GRM3: variants seen among roughly 807,000 people sequenced by gnomAD.
The protein encoded by GRM3 is metabotropic glutamate receptor 3.
A neutral mutation model predicts 70.5 loss-of-function variants in GRM3; 26 were observed. That is an observed-to-expected ratio of 0.37 (90% confidence interval 0.27 to 0.51). The LOEUF (loss-of-function observed/expected upper bound fraction) is 0.51, where lower values mean the gene tolerates loss of function less well. Ranked by LOEUF, GRM3 falls within the 20% of genes least tolerant of loss-of-function variation. The probability of loss-of-function intolerance (pLI) is 0.93; values close to 1 mark genes in which losing one functional copy is unlikely to be tolerated. For synonymous variants in GRM3, 443 were observed against 434.9 expected, an observed-to-expected ratio of 1.02 and a Z score of -0.23; for missense variants, 859 against 1,123.8, an observed-to-expected ratio of 0.76 and a Z score of 3.37.
chr7:86,712,580 C>T (rs889448999), intron 1 of GRM3, among the ~76,000 whole-genome samples: 1 of 151,874 alleles, frequency 6.6e-6, no homozygotes, highest in African/African-American at 2.4e-5. Context: ...AACACTAGGT[C>T]GTATTTCTTT....
intron 3 of GRM3, among the ~76,000 whole-genome samples, chr7:86,805,248 T>G (rs986796195): frequency 5.3e-5 from 8 of 152,238 alleles, no homozygotes; most frequent in Non-Finnish European, 1.2e-4. Flanking sequence ...ATATATATTA[T>G]AGACCTTTTT....
intron 1 of GRM3, among the ~76,000 whole-genome samples, chr7:86,655,849 TGTGG>T (rs777488520): frequency 0.031 from 4,546 of 144,468 alleles, 209 homozygotes; most frequent in African/African-American, 0.1. Flanking sequence ...TGTGTGTGTG[TGTGG>T]GTGGGTGGGT....
intron 1 of GRM3, among the ~76,000 whole-genome samples, chr7:86,684,287 A>G (rs2115985605): frequency 6.6e-6 from 1 of 152,320 alleles, no homozygotes; most frequent in East Asian, 1.9e-4. Flanking sequence ...CAGTTTCCTC[A>G]ACTGAAAATA....
intron 3 of GRM3, among the ~76,000 whole-genome samples, chr7:86,820,444 A>G (rs928687032): frequency 1.3e-5 from 2 of 152,142 alleles, no homozygotes; most frequent in African/African-American, 4.8e-5. Flanking sequence ...GCTTATTTCA[A>G]ATAAATGCAG....
At chr7:86,725,261 G>C (rs1795564820) in intron 1 of GRM3, among the ~76,000 whole-genome samples, 1 of 152,154 alleles carries the variant, frequency 6.6e-6, no homozygotes, top group African/African-American at 2.4e-5. Context: ...TAAGCACAGT[G>C]TCTGACACAT....
intron 1 of GRM3, among the ~76,000 whole-genome samples, chr7:86,761,611 A>G (rs1796482068): frequency 6.6e-6 from 1 of 152,178 alleles, no homozygotes; most frequent in Admixed American, 6.6e-5. Context: ...ATATTCCTTC[A>G]AGAAACATTC....
chr7:86,661,769 T>C (rs1417842769), intron 1 of GRM3, among the ~76,000 whole-genome samples: 1 of 151,876 alleles, frequency 6.6e-6, no homozygotes, highest in East Asian at 1.9e-4. Flanking sequence ...TTGCAAGATG[T>C]GTTTTTTAAA....
intron 1 of GRM3, among the ~76,000 whole-genome samples, chr7:86,728,415 T>C (rs927161953): frequency 6.6e-6 from 1 of 152,214 alleles, no homozygotes; most frequent in Non-Finnish European, 1.5e-5. Flanking sequence ...ACTTTCTTAG[T>C]CTACTAGAAA....
chr7:86,710,566 T>TGGGGGGGGGGGGGGGGGG (rs1171125332), intron 1 of GRM3, among the ~76,000 whole-genome samples: 1 of 8,132 alleles, frequency 1.2e-4, no homozygotes, highest in African/African-American at 5.4e-4. Flanking sequence ...GTGTGTGTGG[T>TGGGGGGGGGGGGGGGGGG]GGGGGGTGGG....
At chr7:86,664,155 T>A (rs562885703) in intron 1 of GRM3, among the ~76,000 whole-genome samples, 159 of 152,050 alleles carry the variant, frequency 1.0e-3, no homozygotes, top group Middle Eastern at 3.4e-3. Context: ...TTCTTTTTTT[T>A]AAAAAAGACC....
intron 1 of GRM3, among the ~76,000 whole-genome samples, chr7:86,648,776 C>T (rs1793539705): frequency 6.6e-6 from 1 of 151,922 alleles, no homozygotes; most frequent in Non-Finnish European, 1.5e-5. Context: ...CACTTGAAAT[C>T]TTGTTCCAAG....
chr7:86,767,769 A>T (rs1312766467), intron 2 of GRM3, among the ~76,000 whole-genome samples: 2 of 151,816 alleles, frequency 1.3e-5, no homozygotes, highest in African/African-American at 4.8e-5. Context: ...TATCCCACTT[A>T]TCCAAAGTAA....
In GRM3 at chr7:86,839,264, G is replaced by A. The variant is rs754829746; in HGVS notation, c.1750G>A (p.Ala584Thr). ...DAWAIGPVTI[A>T]CLGFMCTCMV... The stretch of plus-strand genomic sequence containing the variant: ...CTGGGCCATTGGCCCAGTCACCATT[G>A]CCTGTCTGGGTTTTATGTGTACATG... The change falls in exon 4 of 6, where the codon GCC becomes ACC. Residue 584 changes from alanine to threonine, a missense_variant. Physicochemically the swap from Ala to Thr is moderately conservative, Grantham distance 58. Coordinates refer to ENST00000361669, the MANE Select transcript of GRM3 (RefSeq NM_000840.3). This position sits in a 1 kb window ranked among gnomAD's most constrained non-coding sequence, Gnocchi z 4.5. The A allele has an allele frequency of 6.2e-7, 1 of 1,613,700 alleles. No individual in the cohort carries two copies. The highest frequency in any genetic ancestry group is 8.5e-7 in the Non-Finnish European group (1 of 1,179,594).
At position 86,839,456 on chromosome 7, in the gene GRM3, C is replaced by T. The variant is rs377626052; in HGVS notation, c.1942C>T (p.Leu648=). Residue 648 remains leucine, a synonymous_variant, in exon 4 of 6, where the codon CTG becomes TTG. Transcript: ENST00000361669. The surrounding 1 kb of genome is among the most constrained non-coding windows in gnomAD (Gnocchi z 4.5). ...PVICALRRLG[L]GSSFAICYSA... is the part of the protein sequence containing the mutation. ...CATCTGTGCATTGCGCCGACTCGGG[C>T]TGGGGAGTTCCTTCGCTATCTGTTA... is the stretch of plus-strand genomic sequence containing the variant. 306 of 1,612,762 alleles carry T rather than the reference C, an allele frequency of 1.9e-4. 1 individual carries two copies. Among genetic ancestry groups the T allele is most frequent in the Middle Eastern group, 1.6e-4 (1 of 6,074 alleles).
At chr7:86,829,635 C>A (rs1798311486) in intron 3 of GRM3, among the ~76,000 whole-genome samples, 1 of 152,064 alleles carries the variant, frequency 6.6e-6, no homozygotes, top group Non-Finnish European at 1.5e-5. Context: ...AGGGGAATGG[C>A]CAGTCAGTGA....
At chr7:86,796,099 GCAATTGCTTTTGATGTTTTAATCATA>G (rs1399936191) in intron 3 of GRM3, among the ~76,000 whole-genome samples, 2 of 152,054 alleles carry the variant, frequency 1.3e-5, no homozygotes, top group Non-Finnish European at 2.9e-5. Context: ...TGCTTTTGTG[GCAATTGCTTTTGATGTTTTAATCATA>G]CAATCTTTGC....
At chr7:86,832,593 C>T (rs1395878838) in intron 3 of GRM3, among the ~76,000 whole-genome samples, 2 of 152,000 alleles carry the variant, frequency 1.3e-5, no homozygotes, top group East Asian at 1.9e-4. Flanking sequence ...TTTATGAATG[C>T]GAACCCAAGC....
chr7:86,701,027 G>A (rs910063348), intron 1 of GRM3, among the ~76,000 whole-genome samples: 3 of 151,656 alleles, frequency 2.0e-5, no homozygotes, highest in Non-Finnish European at 4.4e-5. Flanking sequence ...ATCCACATTA[G>A]CAAGGCTCTA....
intron 1 of GRM3, among the ~76,000 whole-genome samples, chr7:86,740,889 C>A (rs1431831502): frequency 6.6e-6 from 1 of 152,148 alleles, no homozygotes. Context: ...TAGTCTATTA[C>A]TTAGCACATT....
Sources: gnomAD v4.1 joint callset for allele counts (sites outside exome capture counted in the v4.1 genomes callset) on GRCh38, gnomAD v4.1.1 for gene constraint, Gnocchi (gnomAD v3.1) non-coding constraint, MANE v1.5 for transcripts, NCBI Gene and HGNC (gene_info 2026-07-23, HGNC 2026-07-21) for gene names.